The following TIAM2 variants were observed in gnomAD, a reference collection of about 807,000 sequenced individuals.
TIAM2 encodes rho guanine nucleotide exchange factor TIAM2.
In TIAM2, 80 loss-of-function variants were observed where a neutral mutation model predicts 152.9. That is an observed-to-expected ratio of 0.52 (90% CI 0.44 to 0.63). The LOEUF is 0.63. Ranked by LOEUF, TIAM2 falls within the 30% of genes least tolerant of loss-of-function variation. TIAM2 has a pLI of 0.00. For missense variants in TIAM2, 1,965 were observed against 2,120.1 expected (o/e 0.93, Z 1.44); for synonymous variants, 804 against 838.0 (o/e 0.96, Z 0.70).
At position 155,179,407 on chromosome 6, in the gene TIAM2, A is replaced by G. The variant is rs1464682227; in HGVS notation, c.2658A>G (p.Leu886=). ...QVYDEIEVFP[L]NVYDVQLTKT... The stretch of plus-strand genomic sequence containing the variant: ...ATGATGAAATAGAAGTCTTTCCACT[A>G]AATGTTTATGACGTGCAGCTCACGA... The change falls in exon 12 of 27, where the codon CTA becomes CTG. Residue 886 remains leucine, a synonymous_variant. Coordinates refer to ENST00000682666, the MANE Select transcript of TIAM2 (RefSeq NM_012454.4). The G allele has an allele frequency of 6.2e-7, 1 of 1,613,798 alleles. No individual in the cohort carries two copies. Among genetic ancestry groups the G allele is most frequent in the African/African-American group, 1.3e-5 (1 of 74,934 alleles).
chr6:155,048,797 CTTTG>C (rs775148984), intron 1 of TIAM2, among the ~76,000 whole-genome samples: 10 of 150,988 alleles, frequency 6.6e-5, no homozygotes, highest in East Asian at 5.9e-4. Flanking sequence ...TCAATCCACT[CTTTG>C]TTTTTTTTTT....
chr6:155,216,981 G>C, intron 15 of TIAM2: 1 of 1,251,788 alleles, frequency 8.0e-7, no homozygotes, highest in Non-Finnish European at 1.0e-6. Flanking sequence ...CTGGGGATGA[G>C]AGGGAGAGAC....
chr6:155,192,639 CA>C lies in TIAM2; in HGVS notation c.3064+9153del, dbSNP rs74340822. 5.3e-3 allele frequency among the ~76,000 whole-genome samples: 758 copies of C among 144,130 alleles called. 1 individual carries two copies. Among genetic ancestry groups the C allele is most frequent in the African/African-American group, 0.015 (577 of 39,536 alleles). The allele number at this position is 144,130 out of a possible 152,430, so 94.6% of individuals were successfully genotyped here. On this transcript the variant is annotated intron_variant, in intron 14 of 26. Coordinates refer to ENST00000682666, the MANE Select transcript of TIAM2 (RefSeq NM_012454.4). ...CTTTTAATGAAATGTCTCCTCAAACCAAAAAAAAAAAAAACTTAGTGAGTAG... is the reference window on the plus strand; with the variant it reads ...CTTTTAATGAAATGTCTCCTCAAACCAAAAAAAAAAAAACTTAGTGAGTAG...
In TIAM2 at chr6:155,047,738, A is replaced by C. The variant is rs1319864810; in HGVS notation, c.-208-42551A>C. 3.4e-5 allele frequency among the ~76,000 whole-genome samples: 5 copies of C among 145,178 alleles called. 1 individual carries two copies. Among genetic ancestry groups the C allele is most frequent in the African/African-American group, 1.3e-4 (5 of 39,208 alleles). On this transcript the variant is annotated intron_variant, in intron 1 of 26. Coordinates refer to ENST00000682666, the MANE Select transcript of TIAM2 (RefSeq NM_012454.4). ...GAGAGAGAGAGAGCGAGAGAGAGAG[A>C]GAGAGAGCGAGCGCACAGAAGACTT...
intron 2 of TIAM2, among the ~76,000 whole-genome samples, chr6:155,126,423 C>T (rs912488344): frequency 6.6e-6 from 1 of 152,026 alleles, no homozygotes; most frequent in African/African-American, 2.4e-5. Flanking sequence ...TTACTGCTGC[C>T]CTGTACATTT....
chr6:155,036,612 ATTTATTTATTT>A (rs1776928083), intron 1 of TIAM2, among the ~76,000 whole-genome samples: 1 of 127,286 alleles, frequency 7.9e-6, no homozygotes, highest in Non-Finnish European at 1.6e-5. Flanking sequence ...TTATTTATTT[ATTTATTTATTT>A]ATTATTTTTT....
chr6:155,247,603 C>G (rs1390306340), intron 19 of TIAM2, among the ~76,000 whole-genome samples: 1 of 152,214 alleles, frequency 6.6e-6, no homozygotes, highest in Non-Finnish European at 1.5e-5. Context: ...GCTGGGATTA[C>G]GGGCGTGAGC....
intron 1 of TIAM2, among the ~76,000 whole-genome samples, chr6:155,040,732 T>A (rs1401137130): frequency 6.6e-6 from 1 of 152,144 alleles, no homozygotes; most frequent in Non-Finnish European, 1.5e-5. Context: ...TTGGCCAGGC[T>A]GGTCTCAAAC....
At position 155,257,325 on chromosome 6, in the gene TIAM2, G is replaced by T. The variant is rs1420001753; in HGVS notation, c.*204G>T. The T allele has an allele frequency of 5.0e-6, 3 of 595,284 alleles. No homozygotes were observed. The highest frequency in any genetic ancestry group is 8.6e-6 in the Non-Finnish European group (3 of 349,944). The allele number at this position is 595,284 out of a possible 1,614,324, so 36.9% of individuals were successfully genotyped here. A position where few individuals can be genotyped will look rare whatever the true frequency, so the allele number is the denominator to read the frequency against. On this transcript the variant is annotated 3_prime_UTR_variant, in exon 27 of 27. Coordinates refer to ENST00000682666, the MANE Select transcript of TIAM2 (RefSeq NM_012454.4). ...ACCTAGATGAAACTGGTCAGAATCTGTAAATTACTTAGTTTATATCCACTT... is the reference window on the plus strand; with the variant it reads ...ACCTAGATGAAACTGGTCAGAATCTTTAAATTACTTAGTTTATATCCACTT...
intron 7 of TIAM2, among the ~76,000 whole-genome samples, chr6:155,163,195 C>T (rs2115096584): frequency 6.6e-6 from 1 of 152,300 alleles, no homozygotes; most frequent in East Asian, 1.9e-4. Flanking sequence ...GCAACTGGTG[C>T]ACCTGAAATA....
chr6:155,251,134 T>C, intron 22 of TIAM2, 113 bp downstream of exon 22: 1 of 905,770 alleles, frequency 1.1e-6, no homozygotes. Flanking sequence ...AGAATTGCTA[T>C]AATGGTTGGG....
intron 14 of TIAM2, among the ~76,000 whole-genome samples, chr6:155,184,478 T>C (rs1780986203): frequency 6.6e-6 from 1 of 152,178 alleles, no homozygotes; most frequent in Non-Finnish European, 1.5e-5. Flanking sequence ...AATTAGGGGC[T>C]CGGCTAGTAC....
chr6:155,141,995 A>C (rs1259683183), intron 5 of TIAM2, among the ~76,000 whole-genome samples: 2 of 152,290 alleles, frequency 1.3e-5, no homozygotes, highest in South Asian at 2.1e-4. Flanking sequence ...CCTCCAAGCC[A>C]AGACCAGCGC....
chr6:155,153,794 G>T (rs1420815063), intron 7 of TIAM2, among the ~76,000 whole-genome samples: 1 of 151,894 alleles, frequency 6.6e-6, no homozygotes, highest in Admixed American at 6.6e-5. Flanking sequence ...GCTAATTTTT[G>T]TATTTTTAGT....
chr6:155,140,820 G>A (rs890508092), intron 5 of TIAM2, among the ~76,000 whole-genome samples: 1 of 152,118 alleles, frequency 6.6e-6, no homozygotes, highest in African/African-American at 2.4e-5. Flanking sequence ...TGGGAGACAG[G>A]CTGATTCTAA....
chr6:155,148,618 C>G (rs1439867685), intron 7 of TIAM2, among the ~76,000 whole-genome samples: 2 of 152,054 alleles, frequency 1.3e-5, no homozygotes, highest in African/African-American at 4.8e-5. Context: ...GCCTTCTGGC[C>G]TTGATGATTC....
chr6:155,167,580 T>C (rs563711609), intron 9 of TIAM2, among the ~76,000 whole-genome samples: 1 of 152,324 alleles, frequency 6.6e-6, no homozygotes, highest in East Asian at 1.9e-4. Flanking sequence ...GTAATGGAAA[T>C]GTATTTCCTC....
intron 1 of TIAM2, among the ~76,000 whole-genome samples, chr6:155,026,398 T>G (rs1371707630): frequency 6.6e-6 from 1 of 152,244 alleles, no homozygotes; most frequent in Admixed American, 6.5e-5. Context: ...GCAATGATAA[T>G]TGAGTTTCTC....
At chr6:155,125,196 G>C (rs925904346) in intron 2 of TIAM2, among the ~76,000 whole-genome samples, 1 of 152,100 alleles carries the variant, frequency 6.6e-6, no homozygotes, top group Non-Finnish European at 1.5e-5. Flanking sequence ...ACTTGAACCC[G>C]GGAGGCACAG....
Sources: gnomAD v4.1 joint callset for allele counts (sites outside exome capture counted in the v4.1 genomes callset) on GRCh38, gnomAD v4.1.1 for gene constraint, MANE v1.5 for transcripts, NCBI Gene and HGNC (gene_info 2026-07-23, HGNC 2026-07-21) for gene names.